The following RBFOX1 variants were observed in gnomAD, a reference collection of about 807,000 sequenced individuals.
RBFOX1 encodes RNA binding protein fox-1 homolog 1.
A neutral mutation model predicts 57.7 loss-of-function variants in RBFOX1; 8 were observed. The ratio of observed to expected loss-of-function variants is 0.14; its 90% CI spans 0.08 to 0.25. RBFOX1 has a LOEUF of 0.25. Ranked by LOEUF, RBFOX1 falls within the 10% of genes least tolerant of loss-of-function variation. RBFOX1 has a pLI of 1.00. For synonymous variants in RBFOX1, 326 were observed against 222.4 expected, an observed-to-expected ratio of 1.47 and a Z score of -4.15; for missense variants, 611 against 548.5, an observed-to-expected ratio of 1.11 and a Z score of -1.14.
chr16:5,530,098 C>A (rs2044405803), intron 2 of RBFOX1, among the ~76,000 whole-genome samples: 2 of 152,148 alleles, frequency 1.3e-5, no homozygotes, highest in Non-Finnish European at 2.9e-5. Flanking sequence ...GTTTAAGCCA[C>A]TCAGGCTATG....
At chr16:5,249,506 C>G (rs944262784) in intron 1 of RBFOX1, among the ~76,000 whole-genome samples, 7 of 152,230 alleles carry the variant, frequency 4.6e-5, no homozygotes, top group African/African-American at 1.7e-4. Context: ...TTTTCTGACT[C>G]TGTTCTATGT....
chr16:5,394,317 C>T (rs2066490160), intron 1 of RBFOX1, among the ~76,000 whole-genome samples: 1 of 152,148 alleles, frequency 6.6e-6, no homozygotes, highest in East Asian at 1.9e-4. Context: ...ACATTGCGCC[C>T]AGCCAGCCAT....
At chr16:7,461,930 G>C (rs1022509835) in intron 4 of RBFOX1, among the ~76,000 whole-genome samples, 16 of 152,128 alleles carry the variant, frequency 1.1e-4, no homozygotes, top group Non-Finnish European at 2.2e-4. Context: ...CCTCCCATTT[G>C]TTCTTGTCTT....
intron 3 of RBFOX1, among the ~76,000 whole-genome samples, chr16:6,959,659 G>A (rs973804401): frequency 6.6e-6 from 1 of 152,128 alleles, no homozygotes; most frequent in African/African-American, 2.4e-5. Flanking sequence ...AGCTGAGGCT[G>A]GGCGTAATGG....
intron 1 of RBFOX1, among the ~76,000 whole-genome samples, chr16:5,395,444 C>G (rs562582581): frequency 6.6e-6 from 1 of 152,262 alleles, no homozygotes; most frequent in African/African-American, 2.4e-5. Context: ...GGTCATGGGC[C>G]TTTGGAGTTC....
intron 3 of RBFOX1, among the ~76,000 whole-genome samples, chr16:6,843,446 T>G (rs1460779777): frequency 2.0e-5 from 3 of 152,068 alleles, no homozygotes; most frequent in Non-Finnish European, 4.4e-5. Flanking sequence ...CCCAGTACTT[T>G]GGGAGGCTGA....
intron 3 of RBFOX1, among the ~76,000 whole-genome samples, chr16:6,897,546 C>T (rs1036196416): frequency 2.0e-5 from 3 of 152,230 alleles, no homozygotes; most frequent in Admixed American, 6.5e-5. Context: ...GTAATCCCAA[C>T]ACTTTGGGAG....
chr16:7,322,123 CAT>C (rs1025109767), intron 4 of RBFOX1, among the ~76,000 whole-genome samples: 7 of 152,230 alleles, frequency 4.6e-5, no homozygotes, highest in Non-Finnish European at 8.8e-5. Context: ...GGTCTGATAA[CAT>C]ATTTTTTCCC....
chr16:6,647,728 G>T (rs1036794288), intron 2 of RBFOX1, among the ~76,000 whole-genome samples: 1 of 152,124 alleles, frequency 6.6e-6, no homozygotes, highest in Non-Finnish European at 1.5e-5. Context: ...TCTGGGATGA[G>T]GTGTGATGTG....
In RBFOX1 at chr16:5,427,367, C is replaced by T. The variant is rs567562884; in HGVS notation, c.220-39849C>T. On this transcript the variant is annotated intron_variant, in intron 1 of 2. Coordinates refer to the RBFOX1 transcript ENST00000585867. ...TAGGAGGCAGAGGTGGGTGGATCACCTGAGGTCAGGAGTTCAAGACCAGCT... is the reference window on the plus strand; with the variant it reads ...TAGGAGGCAGAGGTGGGTGGATCACTTGAGGTCAGGAGTTCAAGACCAGCT... 3.3e-5 allele frequency among the ~76,000 whole-genome samples: 5 copies of T among 152,234 alleles called. No individual in the cohort carries two copies. The South Asian group carries it at 1.0e-3, about 32-fold the overall frequency.
chr16:5,293,165 A>G (rs929467595), intron 1 of RBFOX1, among the ~76,000 whole-genome samples: 13 of 152,030 alleles, frequency 8.6e-5, no homozygotes, highest in African/African-American at 2.9e-4. Context: ...TACTAAAAAT[A>G]CAAAAATTAG....
chr16:6,383,547 G>A (rs1010680522), intron 2 of RBFOX1, among the ~76,000 whole-genome samples: 1 of 152,144 alleles, frequency 6.6e-6, no homozygotes, highest in Admixed American at 6.5e-5. Context: ...GGCTGAGGTG[G>A]GCGGATCACA....
intron 11 of RBFOX1, among the ~76,000 whole-genome samples, chr16:7,647,224 G>A (rs1350839906): frequency 3.3e-5 from 5 of 152,120 alleles, no homozygotes; most frequent in Non-Finnish European, 7.3e-5. Flanking sequence ...GGTGAGAGTG[G>A]GTGGGCTGGA....
At chr16:6,482,146 A>G (rs1418591448) in intron 2 of RBFOX1, among the ~76,000 whole-genome samples, 3 of 152,244 alleles carry the variant, frequency 2.0e-5, no homozygotes, top group Non-Finnish European at 4.4e-5. Context: ...AACTCAAATA[A>G]AGTATCCAAG....
rs541530020 is a variant in RBFOX1, at chr16:6,560,270, G to A, written c.-63-94333G>A. 4.6e-5 allele frequency among the ~76,000 whole-genome samples: 7 copies of A among 151,590 alleles called. No individual in the cohort carries two copies. The South Asian group carries it at 8.4e-4, about 18-fold the overall frequency. ...AGTGTGCGTGATGCCTGAGCAAATT[G>A]TGTTAGAACATGAGCAGTGCTATGG... On this transcript the variant is annotated intron_variant, in intron 2 of 15. Transcript: ENST00000550418.
At chr16:5,707,145 A>C (rs113558615) in intron 3 of RBFOX1, among the ~76,000 whole-genome samples, 13 of 152,226 alleles carry the variant, frequency 8.5e-5, no homozygotes, top group African/African-American at 3.1e-4. Context: ...CAGACAATAC[A>C]AGCCTCATTA....
intron 1 of RBFOX1, among the ~76,000 whole-genome samples, chr16:6,055,639 T>TTCCTACTC (rs1234541131): frequency 1.4e-5 from 2 of 147,914 alleles, no homozygotes. Flanking sequence ...ACAGGCACAG[T>TTCCTACTC]TCCTACTCTC....
chr16:5,305,982 A>G (rs1445541270), intron 1 of RBFOX1, among the ~76,000 whole-genome samples: 1 of 152,208 alleles, frequency 6.6e-6, no homozygotes, highest in African/African-American at 2.4e-5. Flanking sequence ...GCTTGAGTCC[A>G]GTAGTTTGAG....
chr16:7,549,331 G>A (rs2085609807), intron 5 of RBFOX1, among the ~76,000 whole-genome samples: 1 of 152,200 alleles, frequency 6.6e-6, no homozygotes, highest in Non-Finnish European at 1.5e-5. Context: ...AAGGTAGGTA[G>A]GGCCATGCAA....
Sources: allele counts gnomAD v4.1 joint callset (sites outside exome capture counted in the v4.1 genomes callset), GRCh38; gene constraint gnomAD v4.1.1; transcripts MANE v1.5; gene names NCBI Gene and HGNC (gene_info 2026-07-23, HGNC 2026-07-21).